The following KCNMA1 variants were observed in gnomAD, a reference collection of about 807,000 sequenced individuals.
KCNMA1 encodes the protein potassium calcium-activated channel subfamily M alpha 1, also known as Calcium-activated potassium channel subunit alpha-1.
KCNMA1 carries 29 observed loss-of-function variants against 140.0 expected under a neutral mutation model. The ratio of observed to expected loss-of-function variants is 0.21; its 90% CI spans 0.15 to 0.28. KCNMA1 has a LOEUF of 0.28. Ranked by LOEUF, KCNMA1 falls within the 10% of genes least tolerant of loss-of-function variation. The probability of loss-of-function intolerance (pLI) is 1.00; values close to 1 mark genes in which losing one functional copy is unlikely to be tolerated. For missense variants in KCNMA1, 880 were observed against 1,602.2 expected (o/e 0.55, Z 7.70); for synonymous variants, 612 against 611.9 (o/e 1.00, Z 0.00).
At chr10:77,144,422 A>G (rs1207740789) in intron 5 of KCNMA1, among the ~76,000 whole-genome samples, 1 of 152,136 alleles carries the variant, frequency 6.6e-6, no homozygotes, top group East Asian at 1.9e-4. Context: ...TGTTCAAGGG[A>G]GGAGAGAGCA....
At chr10:77,264,600 GCA>G (rs926568249) in intron 2 of KCNMA1, among the ~76,000 whole-genome samples, 37 of 152,104 alleles carry the variant, frequency 2.4e-4, no homozygotes, top group African/African-American at 8.0e-4. Context: ...ATCTTTCATT[GCA>G]CAGTTTTAAG....
In KCNMA1 at chr10:77,021,577, T is replaced by C. The variant is rs558890231; in HGVS notation, c.1929-2478A>G. Among the ~76,000 whole-genome samples, 4 of 152,350 alleles carry C rather than the reference T, an allele frequency of 2.6e-5. No individual in the cohort carries two copies. The East Asian group carries it at 7.7e-4, about 29-fold the overall frequency. On this transcript the variant is annotated intron_variant, in intron 16 of 27. Transcript: ENST00000286628. ...CAAAGCATTTTATCCCTGCACAATATCTGGTGATGGGCTAATTTAGACTGA... is the reference window on the plus strand; with the variant it reads ...CAAAGCATTTTATCCCTGCACAATACCTGGTGATGGGCTAATTTAGACTGA...
At chr10:76,966,826 GTCC>G (rs2074130373) in intron 20 of KCNMA1, among the ~76,000 whole-genome samples, 2 of 152,180 alleles carry the variant, frequency 1.3e-5, no homozygotes, top group African/African-American at 4.8e-5. Flanking sequence ...TTACACGTGT[GTCC>G]TCAGCCTGGG....
chr10:77,349,866 G>A (rs780904746), intron 2 of KCNMA1, among the ~76,000 whole-genome samples: 3 of 152,106 alleles, frequency 2.0e-5, no homozygotes, highest in Non-Finnish European at 2.9e-5. Flanking sequence ...CTTCCAGTGA[G>A]TCTTATGTAG....
rs189494990 is a variant in KCNMA1, at chr10:77,011,956, A to T, written c.2092+11T>A. ...AGAAAGGGAGGGGACAGGGAGAGAA[A>T]CACTACTTACGCCGTTTGCAGCCAC... is the stretch of plus-strand genomic sequence containing the variant. On this transcript the variant is annotated intron_variant, in intron 18 of 27. Transcript: ENST00000286628. 3 of 1,612,178 alleles carry T rather than the reference A, an allele frequency of 1.9e-6. No individual in the cohort carries two copies. In the Admixed American group the frequency reaches 5.0e-5, roughly 27 times the overall value.
chr10:76,960,630 T>G (rs1318923280), intron 20 of KCNMA1, among the ~76,000 whole-genome samples: 15 of 148,488 alleles, frequency 1.0e-4, no homozygotes, highest in East Asian at 1.9e-4. Flanking sequence ...TTTTTTTTTT[T>G]TTTTTTTTTT....
intron 1 of KCNMA1, among the ~76,000 whole-genome samples, chr10:77,556,257 C>A (rs1265199828): frequency 6.6e-6 from 1 of 152,064 alleles, no homozygotes; most frequent in Non-Finnish European, 1.5e-5. Flanking sequence ...GTAATCCCAG[C>A]ACTTTGGGAG....
intron 2 of KCNMA1, among the ~76,000 whole-genome samples, chr10:77,336,946 G>C (rs1203556376): frequency 6.6e-6 from 1 of 152,230 alleles, no homozygotes; most frequent in Non-Finnish European, 1.5e-5. Context: ...CCCGCTGTGG[G>C]TAGAGCCTGT....
intron 5 of KCNMA1, among the ~76,000 whole-genome samples, chr10:77,172,892 G>A (rs1158736861): frequency 2.0e-5 from 3 of 152,036 alleles, no homozygotes; most frequent in Non-Finnish European, 4.4e-5. Flanking sequence ...TCCATAGATG[G>A]CACTTTCTTG....
At chr10:77,522,556 C>T (rs1274682554) in intron 1 of KCNMA1, among the ~76,000 whole-genome samples, 2 of 152,196 alleles carry the variant, frequency 1.3e-5, no homozygotes, top group African/African-American at 2.4e-5. Context: ...CAGCCCCTCA[C>T]CCACACCTCA....
intron 1 of KCNMA1, among the ~76,000 whole-genome samples, chr10:77,470,553 A>C (rs908067501): frequency 6.6e-6 from 1 of 152,214 alleles, no homozygotes; most frequent in Non-Finnish European, 1.5e-5. Context: ...GCGACCACAA[A>C]GGGTGCTCTT....
Position 77,356,609 on chromosome 10 carries a change from C to A in KCNMA1, c.540+47253G>T, listed in dbSNP as rs74953471. Among the ~76,000 whole-genome samples the A allele has an allele frequency of 7.7e-3, 1,178 of 152,266 alleles. 14 individuals carry two copies. Among genetic ancestry groups the A allele is most frequent in the African/African-American group, 0.027 (1,104 of 41,556 alleles). ...AGGAAATCAAACAGGAAGAAATCAC[C>A]CAATGGGATCAGCTGGGCAAACATG... On this transcript the variant is annotated intron_variant, in intron 2 of 27. Transcript: ENST00000286628.
At chr10:77,397,616 T>TA (rs1356631778) in intron 2 of KCNMA1, among the ~76,000 whole-genome samples, 1 of 152,242 alleles carries the variant, frequency 6.6e-6, no homozygotes, top group Non-Finnish European at 1.5e-5. Flanking sequence ...TTTCTATAAA[T>TA]ACAGTTTATT....
intron 3 of KCNMA1, among the ~76,000 whole-genome samples, chr10:77,236,637 A>C (rs2055566042): frequency 6.6e-6 from 1 of 152,258 alleles, no homozygotes; most frequent in African/African-American, 2.4e-5. Context: ...TAAGAAACAG[A>C]GTTTACGTCA....
chr10:77,072,577 T>C (rs2096253792), intron 14 of KCNMA1, among the ~76,000 whole-genome samples: 1 of 152,032 alleles, frequency 6.6e-6, no homozygotes, highest in Non-Finnish European at 1.5e-5. Flanking sequence ...ACTCAGTACA[T>C]TGTTTCGCTC....
chr10:77,286,118 A>AT (rs532293973), intron 2 of KCNMA1, among the ~76,000 whole-genome samples: 3 of 152,138 alleles, frequency 2.0e-5, no homozygotes, highest in South Asian at 4.2e-4. Flanking sequence ...TAATTGTGTA[A>AT]TTTTTTTTCT....
chr10:77,339,390 G>A (rs1461685455), intron 2 of KCNMA1, among the ~76,000 whole-genome samples: 1 of 152,138 alleles, frequency 6.6e-6, no homozygotes, highest in Non-Finnish European at 1.5e-5. Flanking sequence ...TGTCAGCCTT[G>A]CAATTGGCTA....
At chr10:77,127,169 T>G (rs554338001) in intron 5 of KCNMA1, among the ~76,000 whole-genome samples, 1 of 151,918 alleles carries the variant, frequency 6.6e-6, no homozygotes, top group South Asian at 2.1e-4. Flanking sequence ...GAAATGATGA[T>G]GTTGACAATG....
At chr10:77,151,271 G>C (rs948700249) in intron 5 of KCNMA1, among the ~76,000 whole-genome samples, 1 of 150,476 alleles carries the variant, frequency 6.6e-6, no homozygotes, top group Admixed American at 6.6e-5. Context: ...TCTGTCACCA[G>C]GTGGGAGTGC....
Sources: allele counts gnomAD v4.1 joint callset (sites outside exome capture counted in the v4.1 genomes callset), GRCh38; gene constraint gnomAD v4.1.1; transcripts MANE v1.5; gene names NCBI Gene and HGNC (gene_info 2026-07-23, HGNC 2026-07-21).